Variants in RMC1 observed in about 807,000 individuals in gnomAD.
The protein encoded by RMC1 is regulator of MON1-CCZ1.
A neutral mutation model predicts 95.5 loss-of-function variants in RMC1; 44 were observed. The ratio of observed to expected loss-of-function variants is 0.46; its 90% CI spans 0.36 to 0.59. RMC1 has a LOEUF of 0.59. Ranked by LOEUF, RMC1 falls within the 20% of genes least tolerant of loss-of-function variation. The pLI is 0.00. For missense variants in RMC1, 705 were observed against 819.6 expected (o/e 0.86, Z 1.71); for synonymous variants, 320 against 303.6 (o/e 1.05, Z -0.56).
rs1315699550 is a variant in RMC1 at position 23,524,480 on chromosome 18, A to G, written c.1058A>G (p.Gln353Arg). 1 of 1,614,028 alleles carries G rather than the reference A, an allele frequency of 6.2e-7. No homozygotes were observed. Among genetic ancestry groups the G allele is most frequent in the South Asian group, 1.1e-5 (1 of 91,074 alleles). The change falls in exon 12 of 20, where the codon CAA (glutamine) becomes CGA (arginine). Residue 353 changes from glutamine to arginine, a missense_variant and splice_region_variant. Physicochemically the swap from Gln to Arg is conservative, Grantham distance 43 (BLOSUM62 1). Transcript: ENST00000269221. The part of the protein sequence containing the change: ...FQPDIIISAS[Q>R]GYLWNLQVKL... ...CCTGACATCATTATCAGCGCAAGCC[A>G]AGGTAGGTCAGCGGGGACAGTTGTC...
At chr18:23,509,134 A>G in intron 4 of RMC1, 59 bp from the exon 5 acceptor site, 2 of 571,626 alleles carry the variant, frequency 3.5e-6, no homozygotes, top group South Asian at 6.4e-5. Context: ...AAGCTTTTGA[A>G]GAGAGTTATA....
intron 15 of RMC1, 108 bp from the exon 16 acceptor site, chr18:23,529,527 C>A: frequency 7.9e-7 from 1 of 1,262,540 alleles, no homozygotes; most frequent in South Asian, 1.3e-5. Flanking sequence ...GAAAGATGAA[C>A]ACTGGGCCAT....
intron 7 of RMC1, among the ~76,000 whole-genome samples, chr18:23,518,154 T>C (rs186818641): frequency 7.0e-4 from 107 of 152,334 alleles, no homozygotes; most frequent in Non-Finnish European, 1.3e-3. Flanking sequence ...GACTAGAATA[T>C]GCATTCAGGA....
chr18:23,530,179 A>G (rs1442280978), intron 17 of RMC1, 47 bp downstream of exon 17: 2 of 1,613,550 alleles, frequency 1.2e-6, no homozygotes, highest in Non-Finnish European at 1.7e-6. Context: ...AAAATGGAAA[A>G]TTTTAACCGT....
chr18:23,503,589 G>A lies in RMC1; in HGVS notation c.-30G>A. ...CTGCTCCACTCTGGCGACCGCCCCCGGGGCCCCCGCCGCGGGCGCGGCGCC... is the reference window on the plus strand; with the variant it reads ...CTGCTCCACTCTGGCGACCGCCCCCAGGGCCCCCGCCGCGGGCGCGGCGCC... On this transcript the variant is annotated 5_prime_UTR_variant, in exon 1 of 20. Transcript: ENST00000269221. 6.6e-7 allele frequency: 1 copy of A among 1,525,304 alleles called. No homozygotes were observed. Among genetic ancestry groups the A allele is most frequent in the Non-Finnish European group, 8.8e-7 (1 of 1,132,468 alleles). 94.5% of individuals were successfully genotyped at this position (1,525,304 alleles called of 1,614,324 possible).
At chr18:23,530,162 G>T (rs187341070) in intron 17 of RMC1, 30 bp downstream of exon 17, 1 of 1,613,534 alleles carries the variant, frequency 6.2e-7, no homozygotes, top group East Asian at 2.2e-5. Flanking sequence ...TACTTCCATT[G>T]TGGTTAAAAA....
At chr18:23,513,886 T>G (rs1268612483) in intron 5 of RMC1, among the ~76,000 whole-genome samples, 1 of 152,226 alleles carries the variant, frequency 6.6e-6, no homozygotes, top group Non-Finnish European at 1.5e-5. Flanking sequence ...TTACTATTAT[T>G]TGTTGAATTG....
At chr18:23,512,394 A>C (rs2057885937) in intron 5 of RMC1, among the ~76,000 whole-genome samples, 1 of 152,006 alleles carries the variant, frequency 6.6e-6, no homozygotes, top group Non-Finnish European at 1.5e-5. Context: ...GTCCATTTGT[A>C]TTTTGTTAAC....
chr18:23,529,422 G>T, intron 15 of RMC1, 124 bp downstream of exon 15: 2 of 1,434,382 alleles, frequency 1.4e-6, no homozygotes, highest in Non-Finnish European at 1.8e-6. Context: ...AGTTTCCTTG[G>T]GTGAGGCCCT....
At chr18:23,515,532 A>G (rs1482978255) in intron 5 of RMC1, among the ~76,000 whole-genome samples, 1 of 152,048 alleles carries the variant, frequency 6.6e-6, no homozygotes, top group Non-Finnish European at 1.5e-5. Context: ...GCTGTTATTG[A>G]TTTATTTATT....
At position 23,520,230 on chromosome 18, in the gene RMC1, G is replaced by T. The variant is rs749451554; in HGVS notation, c.878G>T (p.Arg293Leu). The change falls in exon 10 of 20, where the codon CGG becomes CTG. Residue 293 changes from arginine (R) to leucine (L), a missense_variant. Coordinates refer to ENST00000269221, the MANE Select transcript of RMC1 (RefSeq NM_013326.5). ...ETSVIFDIKLRGEFDGSVTFH... is the reference protein window; with the variant it reads ...ETSVIFDIKLLGEFDGSVTFH... Reference sequence around the variant, plus strand: ...TCGGTAATATTCGATATCAAGTTACGGGGAGAGTTTGACGGCTCCGTTACC... The same window carrying T: ...TCGGTAATATTCGATATCAAGTTACTGGGAGAGTTTGACGGCTCCGTTACC... 1 of 1,613,862 alleles carries T rather than the reference G, an allele frequency of 6.2e-7. No individual in the cohort carries two copies. The highest frequency in any genetic ancestry group is 1.3e-5 in the African/African-American group (1 of 74,878).
In RMC1 at chr18:23,515,990, C is replaced by T; in HGVS notation, c.543C>T (p.His181=). ...TVLENVLQPF[H]FRAGTMSKLP... ...TGGAGAATGTCCTGCAGCCTTTTCA[C>T]TTTAGGGTAAGAGGAAGCCTCCCCT... Residue 181 remains histidine (H), a synonymous_variant, in exon 6 of 20, where the codon CAC becomes CAT. Transcript: ENST00000269221. 1.2e-6 allele frequency: 2 copies of T among 1,614,120 alleles called. No homozygotes were observed. The highest frequency in any genetic ancestry group is 1.7e-6 in the Non-Finnish European group (2 of 1,180,022).
intron 7 of RMC1, among the ~76,000 whole-genome samples, chr18:23,517,741 A>G (rs968063115): frequency 6.6e-6 from 1 of 150,696 alleles, no homozygotes; most frequent in African/African-American, 2.4e-5. Context: ...TTTTTTTTGG[A>G]GAGTGTCGCT....
chr18:23,516,311 C>G lies in RMC1; in HGVS notation c.550-9C>G. On this transcript the variant is annotated splice_polypyrimidine_tract_variant and intron_variant, in intron 6 of 19. Coordinates refer to ENST00000269221, the MANE Select transcript of RMC1 (RefSeq NM_013326.5). ...TAAGCTTTTCCTAAAACATTTTCCC[C>G]CTAAACAGGCTGGCACTATGTCGAA... 1 of 1,613,952 alleles carries G rather than the reference C, an allele frequency of 6.2e-7. No individual in the cohort carries two copies. The highest frequency in any genetic ancestry group is 8.5e-7 in the Non-Finnish European group (1 of 1,179,824).
chr18:23,522,066 A>G (rs1380484184), intron 10 of RMC1, among the ~76,000 whole-genome samples: 1 of 152,194 alleles, frequency 6.6e-6, no homozygotes, highest in Admixed American at 6.5e-5. Context: ...TTCACCCGGG[A>G]GTTCAGAATC....
chr18:23,529,657 T>C lies in RMC1; in HGVS notation c.1439T>C (p.Ile480Thr), dbSNP rs974010916. The change falls in exon 16 of 20, where the codon ATA (isoleucine) becomes ACA (threonine). Residue 480 changes from isoleucine (I) to threonine (T), a missense_variant. Ile to Thr is a moderately conservative substitution (Grantham distance 89). Coordinates refer to ENST00000269221, the MANE Select transcript of RMC1 (RefSeq NM_013326.5). ...TAGGAGATGCCTCATAAATTTGTGATAGCCGTGCTGATGGAATACATTCGT... is the reference window on the plus strand; with the variant it reads ...TAGGAGATGCCTCATAAATTTGTGACAGCCGTGCTGATGGAATACATTCGT... ...EKKEMPHKFV[I>T]AVLMEYIRSL... The C allele has an allele frequency of 6.2e-7, 1 of 1,614,172 alleles. No individual in the cohort carries two copies. The highest frequency in any genetic ancestry group is 1.7e-5 in the Admixed American group (1 of 60,024).
At chr18:23,509,327 A>G (rs780077588) in intron 5 of RMC1, 48 bp downstream of exon 5, 1 of 893,354 alleles carries the variant, frequency 1.1e-6, no homozygotes, top group African/African-American at 1.7e-5. Context: ...CAGTGATAGC[A>G]TTCTGGCAGC....
intron 13 of RMC1, among the ~76,000 whole-genome samples, chr18:23,527,389 C>G (rs571133378): frequency 6.6e-6 from 1 of 151,982 alleles, no homozygotes; most frequent in South Asian, 2.1e-4. Context: ...CAGAGCAAGA[C>G]CCTGTATCCA....
At chr18:23,527,070 C>T (rs544040670) in intron 13 of RMC1, among the ~76,000 whole-genome samples, 1 of 152,214 alleles carries the variant, frequency 6.6e-6, no homozygotes, top group African/African-American at 2.4e-5. Context: ...CCACTCACTG[C>T]ATATGTGTCT....
Sources: gnomAD v4.1 joint callset for allele counts (sites outside exome capture counted in the v4.1 genomes callset) on GRCh38, gnomAD v4.1.1 for gene constraint, MANE v1.5 for transcripts, NCBI Gene and HGNC (gene_info 2026-07-23, HGNC 2026-07-21) for gene names.